DNAH14: variants seen among roughly 807,000 people sequenced by gnomAD.
The protein encoded by DNAH14 is axonemal beta dynein heavy chain 14.
Under a neutral mutation model 520.9 loss-of-function variants are expected in DNAH14, and 478 were observed. The ratio of observed to expected loss-of-function variants is 0.92; its 90% CI spans 0.85 to 0.99. DNAH14 has a LOEUF of 0.99. DNAH14 is among the 50% of genes least tolerant of loss of function. The pLI is 0.00. For missense variants in DNAH14, 4,831 were observed against 5,234.5 expected (o/e 0.92, Z 2.38); for synonymous variants, 1,581 against 1,757.2 (o/e 0.90, Z 2.51).
chr1:225,245,186 A>C (rs917156705), intron 43 of DNAH14, among the ~76,000 whole-genome samples: 2 of 152,078 alleles, frequency 1.3e-5, no homozygotes, highest in African/African-American at 4.8e-5. Flanking sequence ...CTGAGTTCTA[A>C]TTTGATTGCA....
chr1:225,265,105 A>T (rs1015230387), intron 47 of DNAH14, 77 bp from the exon 48 acceptor site: 3 of 989,994 alleles, frequency 3.0e-6, no homozygotes, highest in African/African-American at 3.4e-5. Flanking sequence ...TTCAAATTTC[A>T]TGACACATTA....
chr1:225,240,726 C>A lies in DNAH14; in HGVS notation c.6652C>A (p.Pro2218Thr). The part of the protein sequence containing the change: ...NREDEHRENI[P>T]FCPSLEPDSL... ...TGAAGATGAACACAGAGAAAATATA[C>A]CATTTTGTCCCAGTCTTGAACCTGA... The change falls in exon 43 of 86, where the codon CCA (proline) becomes ACA (threonine). Residue 2218 changes from proline (P) to threonine (T), a missense_variant. Coordinates refer to ENST00000682510, the MANE Select transcript of DNAH14 (RefSeq NM_001367479.1). The A allele has an allele frequency of 6.4e-7, 1 of 1,550,718 alleles. No homozygotes were observed. The highest frequency in any genetic ancestry group is 1.2e-5 in the South Asian group (1 of 84,002).
Position 225,335,413 on chromosome 1 carries a change from ATG to A in DNAH14, c.10081-1852_10081-1851del, listed in dbSNP as rs1558428875. Among the ~76,000 whole-genome samples, 11 of 99,988 alleles carry A rather than the reference ATG, an allele frequency of 1.1e-4. 2 individuals are homozygous for A. Among genetic ancestry groups the A allele is most frequent in the Admixed American group, 2.1e-4 (2 of 9,304 alleles). 65.6% of individuals were successfully genotyped at this position (99,988 alleles called of 152,430 possible). A position where few individuals can be genotyped will look rare whatever the true frequency, so the allele number is the denominator to read the frequency against. On this transcript the variant is annotated intron_variant, in intron 66 of 85. Coordinates refer to ENST00000682510, the MANE Select transcript of DNAH14 (RefSeq NM_001367479.1). ...TATACACATGTGTACATGTGTGTGT[ATG>A]CACATATGCACGTGTGTACATGTGT...
At chr1:225,289,683 T>C (rs2093822212) in intron 54 of DNAH14, among the ~76,000 whole-genome samples, 1 of 152,034 alleles carries the variant, frequency 6.6e-6, no homozygotes, top group Non-Finnish European at 1.5e-5. Context: ...AAGATGAAAA[T>C]ATTGAAAGTG....
intron 27 of DNAH14, among the ~76,000 whole-genome samples, chr1:225,135,553 G>A (rs1253080773): frequency 1.3e-5 from 2 of 152,126 alleles, no homozygotes; most frequent in African/African-American, 4.8e-5. Context: ...ATTTGCAGAG[G>A]AGTGTGATCA....
Position 225,051,553 on chromosome 1 carries a change from A to G in DNAH14, c.2182A>G (p.Met728Val), listed in dbSNP as rs1462583631. The change falls in exon 17 of 86, where the codon ATG becomes GTG. Residue 728 changes from methionine (M) to valine (V), a missense_variant. Transcript: ENST00000682510. ...YCTMTEKAKI[M>V]SMKISSMGEL... Reference sequence around the variant, plus strand: ...TACCATGACAGAAAAGGCCAAAATCATGAGTATGAAAATATCATCTATGGG... The same window carrying G: ...TACCATGACAGAAAAGGCCAAAATCGTGAGTATGAAAATATCATCTATGGG... 7 of 1,551,192 alleles carry G rather than the reference A, an allele frequency of 4.5e-6. No homozygotes were observed.
intron 78 of DNAH14, among the ~76,000 whole-genome samples, chr1:225,376,740 C>G (rs1444984219): frequency 6.6e-6 from 1 of 152,070 alleles, no homozygotes; most frequent in Non-Finnish European, 1.5e-5. Flanking sequence ...TGATTTTTCC[C>G]TCTGACCTTC....
intron 41 of DNAH14, among the ~76,000 whole-genome samples, chr1:225,209,900 AG>A (rs1191558860): frequency 2.6e-5 from 4 of 152,136 alleles, no homozygotes; most frequent in Admixed American, 1.3e-4. Context: ...ACAATGGGTC[AG>A]GGAACTCCCT....
intron 8 of DNAH14, among the ~76,000 whole-genome samples, chr1:224,978,743 G>T (rs1289041975): frequency 2.0e-5 from 3 of 152,088 alleles, no homozygotes; most frequent in African/African-American, 7.2e-5. Context: ...GGCTGAAGCA[G>T]TTCTCCCACC....
chr1:224,974,570 A>G (rs531511133), intron 8 of DNAH14, among the ~76,000 whole-genome samples: 1 of 152,320 alleles, frequency 6.6e-6, no homozygotes, highest in Admixed American at 6.5e-5. Flanking sequence ...GAGATATCCC[A>G]TGTACCTTTT....
intron 64 of DNAH14, among the ~76,000 whole-genome samples, chr1:225,330,738 G>A (rs916475065): frequency 6.6e-5 from 10 of 152,090 alleles, no homozygotes; most frequent in Admixed American, 5.9e-4. Flanking sequence ...GACCTAGTAC[G>A]TGATAGCACA....
intron 17 of DNAH14, among the ~76,000 whole-genome samples, chr1:225,066,477 T>A (rs1417891204): frequency 3.3e-5 from 5 of 152,066 alleles, no homozygotes; most frequent in South Asian, 2.1e-4. Context: ...TCTTCATTTT[T>A]AAATTTTTAA....
intron 21 of DNAH14, among the ~76,000 whole-genome samples, chr1:225,092,471 C>A (rs1329430076): frequency 6.6e-6 from 1 of 152,010 alleles, no homozygotes; most frequent in African/African-American, 2.4e-5. Flanking sequence ...TCAAGAAATT[C>A]TTTGAAACTA....
chr1:225,217,682 G>A (rs1238717248), intron 41 of DNAH14, among the ~76,000 whole-genome samples: 2 of 152,182 alleles, frequency 1.3e-5, no homozygotes, highest in African/African-American at 2.4e-5. Context: ...AGGCTCCATG[G>A]GTGTGGGACC....
At chr1:225,174,350 A>G (rs2083076743) in intron 36 of DNAH14, among the ~76,000 whole-genome samples, 1 of 152,156 alleles carries the variant, frequency 6.6e-6, no homozygotes, top group South Asian at 2.1e-4. Context: ...TGTCCTGTTT[A>G]CTTTCTTTAA....
At chr1:225,102,535 C>T (rs7533415) in intron 23 of DNAH14, among the ~76,000 whole-genome samples, 12,324 of 152,190 alleles carry the variant, frequency 0.081, 1,598 homozygotes, top group African/African-American at 0.28. Context: ...TATTTCTCCA[C>T]ATCCTCTCCA....
chr1:224,939,377 G>A (rs1571889954), intron 1 of DNAH14, among the ~76,000 whole-genome samples: 2 of 148,150 alleles, frequency 1.3e-5, no homozygotes, highest in Admixed American at 6.7e-5. Context: ...CTTTTAAAAC[G>A]AATCAAAAAA....
At chr1:225,044,071 T>A in intron 15 of DNAH14, 88 bp downstream of exon 15, 1 of 707,938 alleles carries the variant, frequency 1.4e-6, no homozygotes, top group Non-Finnish European at 2.3e-6. Flanking sequence ...TACCCAGGGA[T>A]GTGGCAGATG....
chr1:225,262,508 A>G (rs1038951523), intron 46 of DNAH14, among the ~76,000 whole-genome samples: 6 of 151,784 alleles, frequency 4.0e-5, no homozygotes, highest in African/African-American at 1.2e-4. Context: ...CCATCTTGAG[A>G]TCATTTTTGC....
Sources: gnomAD v4.1 joint callset for allele counts (sites outside exome capture counted in the v4.1 genomes callset) on GRCh38, gnomAD v4.1.1 for gene constraint, MANE v1.5 for transcripts, NCBI Gene and HGNC (gene_info 2026-07-23, HGNC 2026-07-21) for gene names.